PDE1C: variants seen among roughly 807,000 people sequenced by gnomAD.
PDE1C encodes the protein dual specificity calcium/calmodulin-dependent 3',5'-cyclic nucleotide phosphodiesterase 1C.
PDE1C carries 62 observed loss-of-function variants against 93.1 expected under a neutral mutation model. The ratio of observed to expected loss-of-function variants is 0.67; its 90% CI spans 0.54 to 0.82. The LOEUF is 0.82. Among genes scored for constraint, PDE1C ranks in the 40% least tolerant of loss-of-function variants. PDE1C has a pLI of 0.00. For missense variants in PDE1C, 742 were observed against 884.6 expected (o/e 0.84, Z 2.04); for synonymous variants, 325 against 310.1 (o/e 1.05, Z -0.50).
intron 1 of PDE1C, among the ~76,000 whole-genome samples, chr7:32,313,291 T>C (rs539707584): frequency 2.6e-5 from 4 of 151,534 alleles, no homozygotes; most frequent in African/African-American, 4.9e-5. Context: ...TAGGAACACT[T>C]TTACACTGTT....
intron 3 of PDE1C, among the ~76,000 whole-genome samples, chr7:32,124,558 A>G (rs1169644376): frequency 6.6e-6 from 1 of 152,172 alleles, no homozygotes; most frequent in East Asian, 1.9e-4. Flanking sequence ...ACACATCTAC[A>G]ACCACCTGAT....
intron 2 of PDE1C, among the ~76,000 whole-genome samples, chr7:32,037,915 C>T (rs961374308): frequency 6.6e-6 from 1 of 152,158 alleles, no homozygotes; most frequent in Non-Finnish European, 1.5e-5. Context: ...ATACACTCAA[C>T]TCAAAACATT....
rs192914533 is a variant in PDE1C, at chr7:31,756,679, T to C, written c.1961-3126A>G. Among the ~76,000 whole-genome samples the C allele has an allele frequency of 4.1e-3, 617 of 152,240 alleles. 1 individual carries two copies. Among genetic ancestry groups the C allele is most frequent in the Non-Finnish European group, 7.3e-3 (498 of 68,032 alleles). On this transcript the variant is annotated intron_variant, in intron 17 of 17. Coordinates refer to ENST00000396191, the MANE Select transcript of PDE1C (RefSeq NM_001191057.4). ...ACTCATTGACTTTTCCTCCCCCTGCTCCTCTCTGTGCCAGCCCCCACCTCA... is the reference window on the plus strand; with the variant it reads ...ACTCATTGACTTTTCCTCCCCCTGCCCCTCTCTGTGCCAGCCCCCACCTCA...
the PDE1C span, among the ~76,000 whole-genome samples, chr7:31,736,117 G>A: frequency 6.6e-6 from 1 of 152,076 alleles, no homozygotes; most frequent in Non-Finnish European, 1.5e-5. Flanking sequence ...CAAATACAAA[G>A]GGCTGATTGA....
chr7:32,054,616 G>T (rs182899172), intron 1 of PDE1C, among the ~76,000 whole-genome samples: 21 of 152,310 alleles, frequency 1.4e-4, no homozygotes, highest in Admixed American at 1.3e-3. Context: ...AAGATGGGTT[G>T]TGCATCTGGT....
chr7:32,257,359 G>A (rs1322259064), intron 1 of PDE1C, among the ~76,000 whole-genome samples: 3 of 152,136 alleles, frequency 2.0e-5, no homozygotes, highest in African/African-American at 7.2e-5. Context: ...GAGCAAAGGC[G>A]CAATGAAGAC....
chr7:32,403,596 G>A (rs943576542), intron 1 of PDE1C, among the ~76,000 whole-genome samples: 2 of 152,138 alleles, frequency 1.3e-5, no homozygotes, highest in Non-Finnish European at 2.9e-5. Flanking sequence ...AGGTTGTGAC[G>A]ATCACATGCG....
the PDE1C span, among the ~76,000 whole-genome samples, chr7:31,694,384 T>TCAAACACACACACACA: frequency 1.1e-3 from 112 of 98,432 alleles, no homozygotes; most frequent in African/African-American, 4.6e-3. Context: ...TCTCTCTCTC[T>TCAAACACACACACACA]CAAACACACA....
intron 2 of PDE1C, among the ~76,000 whole-genome samples, chr7:31,999,706 C>T (rs201070184): frequency 3.3e-5 from 5 of 152,196 alleles, no homozygotes; most frequent in African/African-American, 1.2e-4. Flanking sequence ...AACATTAACA[C>T]ACCACATGTT....
rs1554504752 is a variant in PDE1C, at chr7:32,108,433, C to CA, written c.308+61351_308+61352insT. 5.0e-4 allele frequency among the ~76,000 whole-genome samples: 74 copies of CA among 146,784 alleles called. 4 individuals are homozygous for CA. In the South Asian group the frequency reaches 0.016, roughly 31 times the overall value. On this transcript the variant is annotated intron_variant, in intron 3 of 18. Transcript: ENST00000396193. The stretch of plus-strand genomic sequence containing the variant: ...TCTTCCATAGAGTACAGAAAAAAAA[C>CA]CACACACACACACACACACACACAG...
chr7:31,682,990 G>A, the PDE1C span, among the ~76,000 whole-genome samples: 1 of 152,140 alleles, frequency 6.6e-6, no homozygotes, highest in East Asian at 1.9e-4. Context: ...AGTCTGGGAG[G>A]GTAAAGGGAA....
intron 2 of PDE1C, among the ~76,000 whole-genome samples, chr7:32,036,544 A>T (rs894390834): frequency 6.6e-5 from 10 of 152,188 alleles, no homozygotes; most frequent in African/African-American, 2.4e-4. Flanking sequence ...GATTTTTAAA[A>T]ACATTAATAA....
chr7:31,998,462 T>C (rs1213977490), intron 2 of PDE1C, among the ~76,000 whole-genome samples: 2 of 152,244 alleles, frequency 1.3e-5, no homozygotes, highest in Non-Finnish European at 2.9e-5. Flanking sequence ...TGTCAATTAA[T>C]TCCTGCAAAG....
intron 11 of PDE1C, among the ~76,000 whole-genome samples, chr7:31,831,670 A>T (rs1053110893): frequency 2.0e-5 from 3 of 152,146 alleles, no homozygotes; most frequent in African/African-American, 7.2e-5. Flanking sequence ...GTAAATAACA[A>T]TAATAAAATA....
At chr7:32,394,906 T>G (rs1784814627) in intron 1 of PDE1C, among the ~76,000 whole-genome samples, 1 of 152,188 alleles carries the variant, frequency 6.6e-6, no homozygotes, top group Admixed American at 6.6e-5. Context: ...CCGTGTGACA[T>G]GCTGGCTCCT....
chr7:32,013,695 G>A (rs1787476241), intron 2 of PDE1C, among the ~76,000 whole-genome samples: 1 of 152,264 alleles, frequency 6.6e-6, no homozygotes, highest in South Asian at 2.1e-4. Flanking sequence ...AGCACGCCAG[G>A]GCAAATATTT....
intron 16 of PDE1C, chr7:31,789,642 GA>G (rs1266259474): frequency 2.1e-6 from 2 of 963,788 alleles, no homozygotes; most frequent in Non-Finnish European, 2.5e-6. Context: ...CTGTATTACA[GA>G]AGTGGGAAAA....
intron 2 of PDE1C, among the ~76,000 whole-genome samples, chr7:31,934,974 A>G (rs1442801029): frequency 6.6e-6 from 1 of 152,226 alleles, no homozygotes; most frequent in Non-Finnish European, 1.5e-5. Flanking sequence ...TTAAAACTAC[A>G]GTGATAGTGC....
At chr7:32,326,649 G>A (rs924957635) in intron 1 of PDE1C, among the ~76,000 whole-genome samples, 1 of 152,156 alleles carries the variant, frequency 6.6e-6, no homozygotes, top group East Asian at 1.9e-4. Context: ...TTTATACAGA[G>A]GACAAAAGGC....
Sources: gnomAD v4.1 joint callset for allele counts (sites outside exome capture counted in the v4.1 genomes callset) on GRCh38, gnomAD v4.1.1 for gene constraint, MANE v1.5 for transcripts, NCBI Gene and HGNC (gene_info 2026-07-23, HGNC 2026-07-21) for gene names.